Variants in MAP3K1 observed in about 807,000 individuals in gnomAD.
MAP3K1 encodes the protein MAP/ERK kinase kinase 1.
Under a neutral mutation model 144.2 loss-of-function variants are expected in MAP3K1, and 36 were observed. The observed-to-expected ratio is 0.25, with a 90% CI of 0.19 to 0.33. The LOEUF (loss-of-function observed/expected upper bound fraction) is 0.33, where lower values mean the gene tolerates loss of function less well. Among genes scored for constraint, MAP3K1 ranks in the 10% least tolerant of loss-of-function variants. MAP3K1 has a pLI of 1.00. For synonymous variants in MAP3K1, 718 were observed against 688.7 expected, an observed-to-expected ratio of 1.04 and a Z score of -0.67; for missense variants, 1,650 against 1,881.9, an observed-to-expected ratio of 0.88 and a Z score of 2.28.
At chr5:56,821,742 A>C (rs1746159202) in intron 1 of MAP3K1, among the ~76,000 whole-genome samples, 2 of 152,184 alleles carry the variant, frequency 1.3e-5, no homozygotes. Context: ...ATAATCTTCA[A>C]ACTGGTCTTA....
chr5:56,822,069 G>A (rs1010863599), intron 1 of MAP3K1, among the ~76,000 whole-genome samples: 19 of 152,138 alleles, frequency 1.2e-4, no homozygotes, highest in African/African-American at 4.3e-4. Flanking sequence ...TGCCCAGGCT[G>A]GAGTGCAGTG....
Position 56,889,625 on chromosome 5 carries a change from C to T in MAP3K1, c.4389+1268C>T, listed in dbSNP as rs183739124. 8.1e-4 allele frequency among the ~76,000 whole-genome samples: 123 copies of T among 152,234 alleles called. 1 individual carries two copies. Among genetic ancestry groups the T allele is most frequent in the African/African-American group, 2.8e-3 (117 of 41,532 alleles). On this transcript the variant is annotated intron_variant, in intron 19 of 19. Transcript: ENST00000399503. ...TTTCAGTAGATGTGATGGTTGAAATCATGGGCTTTGGAGTCACACTGACCT... is the reference window on the plus strand; with the variant it reads ...TTTCAGTAGATGTGATGGTTGAAATTATGGGCTTTGGAGTCACACTGACCT...
In MAP3K1 at chr5:56,815,996, C is replaced by T. The variant is rs1745941227; in HGVS notation, c.423C>T (p.Ala141=). 8.1e-7 allele frequency: 1 copy of T among 1,240,728 alleles called. No homozygotes were observed. The highest frequency in any genetic ancestry group is 1.0e-6 in the Non-Finnish European group (1 of 993,982). The allele number at this position is 1,240,728 out of a possible 1,614,324, so 76.9% of individuals were successfully genotyped here. A position where few individuals can be genotyped will look rare whatever the true frequency, so the allele number is the denominator to read the frequency against. Residue 141 remains alanine, a synonymous_variant, in exon 1 of 20, where the codon GCC becomes GCT. Coordinates refer to ENST00000399503, the MANE Select transcript of MAP3K1 (RefSeq NM_005921.2). ...PDSGASSPAA[A]EPGEKRAPAA... ...GCGGCGCCTCGAGTCCCGCAGCGGC[C>T]GAGCCCGGGGAGAAGCGGGCGCCCG...
rs138408013 is a variant in MAP3K1 at position 56,881,485 on chromosome 5, G to C, written c.2370-85G>C. The C allele has an allele frequency of 1.6e-3, 1,780 of 1,137,856 alleles. 32 individuals carry two copies. In the African/African-American group the frequency reaches 0.026, roughly 16 times the overall value. The allele number at this position is 1,137,856 out of a possible 1,614,324, so 70.5% of individuals were successfully genotyped here. On this transcript the variant is annotated intron_variant, in intron 13 of 19. Coordinates refer to ENST00000399503, the MANE Select transcript of MAP3K1 (RefSeq NM_005921.2). ...CTGAAATGGTTTTTGAAGTATACAT[G>C]CTGTAAATTACTACCATTTTTTAAG...
rs183228416 is a variant in MAP3K1, at chr5:56,890,039, C to A, written c.4389+1682C>A. On this transcript the variant is annotated intron_variant, in intron 19 of 19. Transcript: ENST00000399503. ...TTGTGCTTCTCCTGCTTGGGCACCCCCTTTTTACTCATTCCAGATTCTCAT... is the reference window on the plus strand; with the variant it reads ...TTGTGCTTCTCCTGCTTGGGCACCCACTTTTTACTCATTCCAGATTCTCAT... 8.5e-5 allele frequency among the ~76,000 whole-genome samples: 13 copies of A among 152,240 alleles called. No individual in the cohort carries two copies. In the East Asian group the frequency reaches 2.1e-3, roughly 25 times the overall value.
chr5:56,855,260 G>C (rs1042481889), intron 1 of MAP3K1, among the ~76,000 whole-genome samples: 6 of 151,302 alleles, frequency 4.0e-5, no homozygotes, highest in African/African-American at 9.7e-5. Flanking sequence ...AGCATAAAAA[G>C]CAGCCAAGCA....
At chr5:56,871,583 A>G (rs933791776) in intron 6 of MAP3K1, among the ~76,000 whole-genome samples, 1 of 152,168 alleles carries the variant, frequency 6.6e-6, no homozygotes, top group Non-Finnish European at 1.5e-5. Flanking sequence ...ATTTTTATAC[A>G]TAGTCAAACC....
chr5:56,829,018 C>A (rs1388183874), intron 1 of MAP3K1, among the ~76,000 whole-genome samples: 3 of 152,060 alleles, frequency 2.0e-5, no homozygotes, highest in African/African-American at 7.2e-5. Context: ...GAAAATGCAA[C>A]TGCATTTCAC....
intron 1 of MAP3K1, among the ~76,000 whole-genome samples, chr5:56,821,001 C>T (rs1187067086): frequency 5.9e-5 from 9 of 151,862 alleles, no homozygotes; most frequent in African/African-American, 1.9e-4. Flanking sequence ...AAAGGAGATA[C>T]GGGGAGCAAG....
At chr5:56,887,650 G>A (rs148271997) in intron 18 of MAP3K1, 130 bp downstream of exon 18, 16 of 960,564 alleles carry the variant, frequency 1.7e-5, no homozygotes, top group African/African-American at 3.2e-5. Flanking sequence ...CTTAAAATAC[G>A]GTTTTAATAA....
chr5:56,867,201 A>G (rs190067516), intron 6 of MAP3K1, among the ~76,000 whole-genome samples: 1 of 152,210 alleles, frequency 6.6e-6, no homozygotes, highest in African/African-American at 2.4e-5. Context: ...CTTAAAACCA[A>G]GTAGTCAAAA....
chr5:56,860,148 A>G (rs1747462916), intron 3 of MAP3K1, among the ~76,000 whole-genome samples: 1 of 152,152 alleles, frequency 6.6e-6, no homozygotes, highest in Non-Finnish European at 1.5e-5. Flanking sequence ...TGATATTTGC[A>G]GTGGTGGGTA....
intron 6 of MAP3K1, among the ~76,000 whole-genome samples, chr5:56,866,417 G>A (rs1579761663): frequency 6.6e-6 from 1 of 151,916 alleles, no homozygotes. Context: ...ATATGTGGGT[G>A]TGTGTATGTA....
intron 9 of MAP3K1, among the ~76,000 whole-genome samples, chr5:56,873,998 C>G (rs1224905787): frequency 6.6e-6 from 1 of 152,136 alleles, no homozygotes. Context: ...TTCATTCTTT[C>G]AAGCATATGG....
chr5:56,880,993 TTTG>T lies in MAP3K1; in HGVS notation c.2180-86_2180-84del, dbSNP rs567440795. The T allele has an allele frequency of 2.8e-3, 3,193 of 1,160,278 alleles. 23 individuals carry two copies. Among genetic ancestry groups the T allele is most frequent in the Middle Eastern group, 3.3e-3 (12 of 3,684 alleles). 71.9% of individuals were successfully genotyped at this position (1,160,278 alleles called of 1,614,324 possible). ...ATTCTTTAAAATAGTTCAGAATATT[TTTG>T]TTGGCCTTACACCATTTAATCATGT... On this transcript the variant is annotated intron_variant, in intron 12 of 19. Transcript: ENST00000399503.
intron 3 of MAP3K1, among the ~76,000 whole-genome samples, chr5:56,860,752 C>T (rs970617538): frequency 1.3e-5 from 2 of 151,882 alleles, no homozygotes; most frequent in African/African-American, 2.4e-5. Context: ...ACTCGGGGGG[C>T]TGAGGCAGGA....
intron 1 of MAP3K1, among the ~76,000 whole-genome samples, chr5:56,818,442 C>CT (rs555299046): frequency 5.9e-5 from 9 of 151,784 alleles, no homozygotes; most frequent in Admixed American, 2.0e-4. Flanking sequence ...GTTCTGTGAT[C>CT]TTTTTTTTAA....
In MAP3K1 at chr5:56,881,550, TGA is replaced by T; in HGVS notation, c.2370-19_2370-18del. 6.4e-7 allele frequency: 1 copy of T among 1,567,372 alleles called. No homozygotes were observed. The highest frequency in any genetic ancestry group is 1.1e-5 in the South Asian group (1 of 90,298). On this transcript the variant is annotated intron_variant, in intron 13 of 19. Coordinates refer to ENST00000399503, the MANE Select transcript of MAP3K1 (RefSeq NM_005921.2). ...TCAGTAATTGGAACTTATATGGTAA[TGA>T]ATGTTTTTTTCTTTCAGGTATAAGA...
At chr5:56,871,230 A>G (rs925738457) in intron 6 of MAP3K1, among the ~76,000 whole-genome samples, 1 of 152,100 alleles carries the variant, frequency 6.6e-6, no homozygotes, top group East Asian at 1.9e-4. Flanking sequence ...TAAAGGCTTC[A>G]AGGTGTCTGG....
Sources: allele counts gnomAD v4.1 joint callset (sites outside exome capture counted in the v4.1 genomes callset), GRCh38; gene constraint gnomAD v4.1.1; transcripts MANE v1.5; gene names NCBI Gene and HGNC (gene_info 2026-07-23, HGNC 2026-07-21).